KCNJ6: variants seen among roughly 807,000 people sequenced by gnomAD.
KCNJ6 encodes G protein-activated inward rectifier potassium channel 2.
Under a neutral mutation model 34.2 loss-of-function variants are expected in KCNJ6, and 9 were observed. That is an observed-to-expected ratio of 0.26 (90% CI 0.16 to 0.46). The LOEUF is 0.46. KCNJ6 is among the 20% of genes least tolerant of loss of function. The pLI, the probability that KCNJ6 is intolerant of heterozygous loss-of-function variation, is 1.00. For missense variants in KCNJ6, 236 were observed against 531.3 expected (o/e 0.44, Z 5.46); for synonymous variants, 196 against 207.1 (o/e 0.95, Z 0.46).
intron 1 of KCNJ6, among the ~76,000 whole-genome samples, chr21:37,840,959 T>C (rs1386894211): frequency 6.6e-6 from 1 of 152,210 alleles, no homozygotes; most frequent in East Asian, 1.9e-4. Flanking sequence ...ATCTTGGATA[T>C]ATATAATTGG....
intron 1 of KCNJ6, among the ~76,000 whole-genome samples, chr21:37,862,172 G>A (rs2055597920): frequency 6.6e-6 from 1 of 152,186 alleles, no homozygotes; most frequent in Admixed American, 6.5e-5. Context: ...GTGGAAAAGG[G>A]CTGTATTTTG....
chr21:37,795,473 G>A (rs529102386), intron 2 of KCNJ6, among the ~76,000 whole-genome samples: 2 of 152,244 alleles, frequency 1.3e-5, no homozygotes, highest in East Asian at 3.9e-4. Context: ...GGCTGGACAT[G>A]GTGGTTCATG....
At chr21:37,700,886 T>G (rs1029297897) in intron 3 of KCNJ6, among the ~76,000 whole-genome samples, 4 of 152,104 alleles carry the variant, frequency 2.6e-5, no homozygotes, top group Non-Finnish European at 4.4e-5. Flanking sequence ...GAGCCTATGG[T>G]CTGGCAGCAG....
In KCNJ6 at chr21:37,617,255, G is replaced by C. The variant is rs193068487; in HGVS notation, c.*7904C>G. 1.4e-5 allele frequency: 2 copies of C among 140,326 alleles called. No homozygotes were observed. The highest frequency in any genetic ancestry group is 3.0e-5 in the Non-Finnish European group (2 of 66,336). The allele number at this position is 140,326 out of a possible 1,614,324, so 8.7% of individuals were successfully genotyped here. A position where few individuals can be genotyped will look rare whatever the true frequency, so the allele number is the denominator to read the frequency against. ...TTTTTTTGAGACTGAGTCTCGCTCCGTGGCCCAGGCTGGAGTGCAGTGGCA... is the reference window on the plus strand; with the variant it reads ...TTTTTTTGAGACTGAGTCTCGCTCCCTGGCCCAGGCTGGAGTGCAGTGGCA... On this transcript the variant is annotated 3_prime_UTR_variant, in exon 4 of 4. Transcript: ENST00000609713.
At chr21:37,668,908 T>A (rs922664952) in intron 3 of KCNJ6, among the ~76,000 whole-genome samples, 2 of 152,264 alleles carry the variant, frequency 1.3e-5, no homozygotes, top group East Asian at 3.8e-4. Flanking sequence ...CTGGCTTTCG[T>A]GATGCAAAAT....
At chr21:37,914,956 C>T (rs1386336101) in intron 1 of KCNJ6, among the ~76,000 whole-genome samples, 2 of 148,898 alleles carry the variant, frequency 1.3e-5, no homozygotes, top group Middle Eastern at 3.5e-3. Context: ...GGGTTGGAGG[C>T]GGAATTCTTT....
At chr21:37,704,097 G>A (rs765865101) in intron 3 of KCNJ6, among the ~76,000 whole-genome samples, 3 of 152,206 alleles carry the variant, frequency 2.0e-5, no homozygotes, top group Non-Finnish European at 4.4e-5. Context: ...GGGGTATGGG[G>A]TAACACAGGG....
At chr21:37,715,205 T>G in intron 2 of KCNJ6, 74 bp from the exon 3 acceptor site, 1 of 1,293,154 alleles carries the variant, frequency 7.7e-7, no homozygotes, top group South Asian at 1.5e-5. Flanking sequence ...ACGGCACACT[T>G]TGTATGGGCT....
In KCNJ6 at chr21:37,619,437, C is replaced by T. The variant is rs1428171627; in HGVS notation, c.*5722G>A. On this transcript the variant is annotated 3_prime_UTR_variant, in exon 4 of 4. Coordinates refer to ENST00000609713, the MANE Select transcript of KCNJ6 (RefSeq NM_002240.5). Reference sequence around the variant, plus strand: ...ACCCTTTACTATACTTCCGTGTCTCCCTGAGCTCTTTTCAAAGGACCTTTT... The same window carrying T: ...ACCCTTTACTATACTTCCGTGTCTCTCTGAGCTCTTTTCAAAGGACCTTTT... 1 of 152,176 alleles carries T rather than the reference C, an allele frequency of 6.6e-6. No homozygotes were observed. Among genetic ancestry groups the T allele is most frequent in the Non-Finnish European group, 1.5e-5 (1 of 68,026 alleles). 9.4% of individuals were successfully genotyped at this position (152,176 alleles called of 1,614,324 possible).
intron 1 of KCNJ6, among the ~76,000 whole-genome samples, chr21:37,854,909 T>C (rs1176166410): frequency 6.6e-6 from 1 of 152,224 alleles, no homozygotes; most frequent in African/African-American, 2.4e-5. Context: ...TCCACGAATA[T>C]AGTTGAAGAT....
At chr21:37,710,780 G>C (rs775799413) in intron 3 of KCNJ6, among the ~76,000 whole-genome samples, 1 of 152,156 alleles carries the variant, frequency 6.6e-6, no homozygotes, top group South Asian at 2.1e-4. Flanking sequence ...GTTTGTTTAC[G>C]TAGCTATGAA....
chr21:37,622,270 C>T lies in KCNJ6; in HGVS notation c.*2889G>A, dbSNP rs2054292189. 1 of 152,154 alleles carries T rather than the reference C, an allele frequency of 6.6e-6. No homozygotes were observed. Among genetic ancestry groups the T allele is most frequent in the Non-Finnish European group, 1.5e-5 (1 of 68,030 alleles). The allele number at this position is 152,154 out of a possible 1,614,324, so 9.4% of individuals were successfully genotyped here. On this transcript the variant is annotated 3_prime_UTR_variant, in exon 4 of 4. Transcript: ENST00000609713. ...TTAAAAGAGACTTTTAAAAAATTCTCATTGCACTTGGTTTGCTAATGGAGT... is the reference window on the plus strand; with the variant it reads ...TTAAAAGAGACTTTTAAAAAATTCTTATTGCACTTGGTTTGCTAATGGAGT...
chr21:37,766,106 T>C (rs966202221), intron 2 of KCNJ6, among the ~76,000 whole-genome samples: 1 of 152,206 alleles, frequency 6.6e-6, no homozygotes, highest in Non-Finnish European at 1.5e-5. Flanking sequence ...TGTAACACCC[T>C]CATTCTGCAT....
intron 1 of KCNJ6, among the ~76,000 whole-genome samples, chr21:37,903,743 C>A (rs73904494): frequency 0.055 from 5,952 of 107,308 alleles, 330 homozygotes; most frequent in African/African-American, 0.17. Flanking sequence ...CAAAACAAAA[C>A]AAAAAAAAAC....
Position 37,714,652 on chromosome 21 carries a change from T to C in KCNJ6, c.505A>G (p.Ile169Val). 6.2e-7 allele frequency: 1 copy of C among 1,614,110 alleles called. No homozygotes were observed. Among genetic ancestry groups the C allele is most frequent in the Non-Finnish European group, 8.5e-7 (1 of 1,180,004 alleles). Reference sequence around the variant, plus strand: ...AACACAGATTGGATTAAGAGAAGAATAATTCCCTCTGGGCATTTATCTGTG... The same window carrying C: ...AACACAGATTGGATTAAGAGAAGAACAATTCCCTCTGGGCATTTATCTGTG... ...VITDKCPEGI[I>V]LLLIQSVLGS... Residue 169 changes from isoleucine to valine, a missense_variant, in exon 3 of 4, where the codon ATT becomes GTT. Physicochemically the swap from Ile to Val is conservative, Grantham distance 29. Transcript: ENST00000609713. The surrounding 1 kb of genome is among the most constrained non-coding windows in gnomAD (Gnocchi z 5.9).
At chr21:37,678,338 G>C (rs1569443797) in intron 3 of KCNJ6, among the ~76,000 whole-genome samples, 1 of 152,236 alleles carries the variant, frequency 6.6e-6, no homozygotes, top group Non-Finnish European at 1.5e-5. Context: ...ATGTTATCCT[G>C]TAATCCTGTA....
intron 2 of KCNJ6, among the ~76,000 whole-genome samples, chr21:37,754,989 C>A (rs2055016698): frequency 1.3e-5 from 2 of 152,234 alleles, no homozygotes; most frequent in South Asian, 4.2e-4. Flanking sequence ...CAATAGGTAG[C>A]AAAATGACAA....
At position 37,615,244 on chromosome 21, in the gene KCNJ6, C is replaced by CTTTTTTTTTTTTTTTTTTTTT. The variant is rs1156939747; in HGVS notation, c.*9894_*9914dup. 1.0e-5 allele frequency: 1 copy of CTTTTTTTTTTTTTTTTTTTTT among 98,884 alleles called. No individual in the cohort carries two copies. The highest frequency in any genetic ancestry group is 4.0e-5 in the African/African-American group (1 of 25,194). The allele number at this position is 98,884 out of a possible 1,614,324, so 6.1% of individuals were successfully genotyped here. A position where few individuals can be genotyped will look rare whatever the true frequency, so the allele number is the denominator to read the frequency against. Reference sequence around the variant, plus strand: ...ACCCTCGACTGACATTCCCAGCATTCTTTTTTTTTTTTTTTTTTTTTTTTT... The same window carrying CTTTTTTTTTTTTTTTTTTTTT: ...ACCCTCGACTGACATTCCCAGCATTCTTTTTTTTTTTTTTTTTTTTTTTTTTTTTTTTTTTTTTTTTTTTTT... On this transcript the variant is annotated 3_prime_UTR_variant, in exon 4 of 4. Transcript: ENST00000609713.
intron 2 of KCNJ6, among the ~76,000 whole-genome samples, chr21:37,733,385 T>C (rs942051399): frequency 2.0e-5 from 3 of 152,208 alleles, no homozygotes; most frequent in African/African-American, 7.2e-5. Flanking sequence ...CATGTTTTAT[T>C]TGAGCTCTCG....
Sources: allele counts gnomAD v4.1 joint callset (sites outside exome capture counted in the v4.1 genomes callset), GRCh38; gene constraint gnomAD v4.1.1; non-coding constraint Gnocchi (gnomAD v3.1); transcripts MANE v1.5; gene names NCBI Gene and HGNC (gene_info 2026-07-23, HGNC 2026-07-21).